Variants in RAB1B observed in about 807,000 individuals in gnomAD.
RAB1B encodes RAB1B, member RAS oncogene family.
Under a neutral mutation model 24.8 loss-of-function variants are expected in RAB1B, and 10 were observed. That is an observed-to-expected ratio of 0.40 (90% CI 0.25 to 0.68). RAB1B has a LOEUF of 0.68. Ranked by LOEUF, RAB1B falls within the 30% of genes least tolerant of loss-of-function variation. RAB1B has a pLI of 0.37. For synonymous variants in RAB1B, 99 were observed against 111.7 expected (o/e 0.89, Z 0.72); for missense variants, 154 against 271.2 (o/e 0.57, Z 3.04).
rs1324296786 is a variant in RAB1B, at chr11:66,273,760, A to G, written c.279+1300A>G. On this transcript the variant is annotated intron_variant, in intron 4 of 5. Coordinates refer to ENST00000311481, the MANE Select transcript of RAB1B (RefSeq NM_030981.3). Reference sequence around the variant, plus strand: ...TTCATGATCTTCTCTAGTAAACTAAATGGTGAGGTTTGTGTTTTCTAGATG... The same window carrying G: ...TTCATGATCTTCTCTAGTAAACTAAGTGGTGAGGTTTGTGTTTTCTAGATG... Among the ~76,000 whole-genome samples, 3 of 152,166 alleles carry G rather than the reference A, an allele frequency of 2.0e-5. No individual in the cohort carries two copies. The East Asian group carries it at 5.8e-4, about 29-fold the overall frequency.
At chr11:66,272,000 A>G in intron 2 of RAB1B, 131 bp downstream of exon 2, 2 of 939,858 alleles carry the variant, frequency 2.1e-6, no homozygotes, top group Non-Finnish European at 3.5e-6. Flanking sequence ...TGCCACCAGC[A>G]CATCTGCCCT....
At chr11:66,271,423 G>A (rs1166101244) in intron 1 of RAB1B, 1 of 164,624 alleles carries the variant, frequency 6.1e-6, no homozygotes, top group African/African-American at 2.4e-5. Flanking sequence ...GGCAGACAGA[G>A]GTTGCAGTGA....
rs749182231 is a variant in RAB1B at position 66,276,190 on chromosome 11, C to G, written c.558C>G (p.Leu186=). 5 of 1,606,348 alleles carry G rather than the reference C, an allele frequency of 3.1e-6. No homozygotes were observed. The South Asian group carries it at 4.5e-5, about 14-fold the overall frequency. ...CCTCTGGGGGCGAGCGGCCCAATCTCAAGATCGACAGCACCCCTGTAAAGC... is the reference window on the plus strand; with the variant it reads ...CCTCTGGGGGCGAGCGGCCCAATCTGAAGATCGACAGCACCCCTGTAAAGC... ...GAASGGERPN[L]KIDSTPVKPA... Residue 186 remains leucine, a synonymous_variant, in exon 6 of 6, where the codon CTC becomes CTG. Transcript: ENST00000311481.
At chr11:66,274,787 C>T (rs1857115896) in intron 4 of RAB1B, among the ~76,000 whole-genome samples, 1 of 147,818 alleles carries the variant, frequency 6.8e-6, no homozygotes, top group South Asian at 2.2e-4. Context: ...GTCCCCCCTC[C>T]CTGTTGAGTG....
intron 4 of RAB1B, among the ~76,000 whole-genome samples, chr11:66,274,978 C>T (rs1362657442): frequency 6.6e-6 from 1 of 152,058 alleles, no homozygotes; most frequent in Non-Finnish European, 1.5e-5. Flanking sequence ...TGGGGGCTCC[C>T]CAGCCCCTGC....
intron 4 of RAB1B, among the ~76,000 whole-genome samples, chr11:66,273,536 G>C (rs1857094842): frequency 6.6e-6 from 1 of 152,216 alleles, no homozygotes; most frequent in African/African-American, 2.4e-5. Flanking sequence ...GGTCTGTCCA[G>C]TGCTGCCTCC....
intron 1 of RAB1B, chr11:66,270,843 A>G (rs1290663664): frequency 2.0e-5 from 3 of 152,254 alleles, no homozygotes; most frequent in Non-Finnish European, 4.4e-5. Context: ...AATAGCTCCT[A>G]CTGGACCAAA....
In RAB1B at chr11:66,268,667, C is replaced by A; in HGVS notation, c.-13C>A. ...GTCGACTGGGAGCGACCGAGCGGGC[C>A]GCCGCCGCCGCCATGAACCCCGAAT... On this transcript the variant is annotated 5_prime_UTR_variant, in exon 1 of 6. Coordinates refer to ENST00000311481, the MANE Select transcript of RAB1B (RefSeq NM_030981.3). 2 of 1,553,080 alleles carry A rather than the reference C, an allele frequency of 1.3e-6. No homozygotes were observed. The highest frequency in any genetic ancestry group is 1.7e-6 in the Non-Finnish European group (2 of 1,150,942).
At chr11:66,275,999 C>T (rs1388398292) in intron 5 of RAB1B, 45 bp from the exon 6 acceptor site, 1 of 1,588,956 alleles carries the variant, frequency 6.3e-7, no homozygotes, top group Non-Finnish European at 8.6e-7. Context: ...CACCTGCTCT[C>T]CCCTCCTCTT....
Position 66,276,178 on chromosome 11 carries a change from G to A in RAB1B, c.546G>A (p.Glu182=), listed in dbSNP as rs1282759418. 3.1e-6 allele frequency: 5 copies of A among 1,608,134 alleles called. No homozygotes were observed. Among genetic ancestry groups the A allele is most frequent in the Middle Eastern group, 1.6e-4 (1 of 6,062 alleles). Residue 182 remains glutamate, a synonymous_variant, in exon 6 of 6, where the codon GAG becomes GAA. Transcript: ENST00000311481. ...RMGPGAASGG[E]RPNLKIDSTP... ...GGCCTGGAGCAGCCTCTGGGGGCGAGCGGCCCAATCTCAAGATCGACAGCA... is the reference window on the plus strand; with the variant it reads ...GGCCTGGAGCAGCCTCTGGGGGCGAACGGCCCAATCTCAAGATCGACAGCA...
At chr11:66,272,716 T>G in intron 4 of RAB1B, 1 of 308,012 alleles carries the variant, frequency 3.2e-6, no homozygotes, top group Non-Finnish European at 6.0e-6. Flanking sequence ...CCTCACACCT[T>G]CCCTCCCCAC....
chr11:66,272,310 G>A, intron 3 of RAB1B, 55 bp from the exon 4 acceptor site: 1 of 1,595,974 alleles, frequency 6.3e-7, no homozygotes, highest in South Asian at 1.1e-5. Flanking sequence ...GGGAGGGAAG[G>A]GACTCTGGGA....
Position 66,276,724 on chromosome 11 carries a change from G to A in RAB1B, c.*486G>A, listed in dbSNP as rs1857154128. The A allele has an allele frequency of 6.5e-6, 1 of 154,386 alleles. No individual in the cohort carries two copies. Among genetic ancestry groups the A allele is most frequent in the Non-Finnish European group, 1.4e-5 (1 of 69,344 alleles). The allele number at this position is 154,386 out of a possible 1,614,324, so 9.6% of individuals were successfully genotyped here. ...ATCCAGGGCCCTGGGCTGGACCTCA[G>A]GACAGGCATGGAGGCCACAGGGGCC... On this transcript the variant is annotated 3_prime_UTR_variant, in exon 6 of 6. Coordinates refer to ENST00000311481, the MANE Select transcript of RAB1B (RefSeq NM_030981.3).
At chr11:66,274,855 C>T (rs1035808780) in intron 4 of RAB1B, among the ~76,000 whole-genome samples, 2 of 151,578 alleles carry the variant, frequency 1.3e-5, no homozygotes, top group Admixed American at 6.6e-5. Flanking sequence ...ATGCCCCTCC[C>T]GTTCAGTGAC....
chr11:66,272,502 T>G (rs1045979905), intron 4 of RAB1B, 42 bp downstream of exon 4: 5 of 1,357,260 alleles, frequency 3.7e-6, no homozygotes, highest in Non-Finnish European at 5.1e-6. Flanking sequence ...CTCCTTAGCC[T>G]TAGGTCTTTG....
intron 1 of RAB1B, chr11:66,270,282 C>T (rs929049898): frequency 6.7e-6 from 1 of 149,964 alleles, no homozygotes; most frequent in African/African-American, 2.5e-5. Context: ...GTTGTTGTCT[C>T]CAAAGAGATG....
At position 66,272,219 on chromosome 11, in the gene RAB1B, C is replaced by T. The variant is rs1473504702; in HGVS notation, c.150C>T (p.Ile50=). The T allele has an allele frequency of 2.5e-6, 4 of 1,613,918 alleles. No homozygotes were observed. Among genetic ancestry groups the T allele is most frequent in the South Asian group, 2.2e-5 (2 of 91,072 alleles). ...TIGVDFKIRT[I]ELDGKTIKLQ... ...GGGTGGACTTCAAGATCCGAACCATCGAGCTGGATGGCAAAACTATCAAAC... is the reference window on the plus strand; with the variant it reads ...GGGTGGACTTCAAGATCCGAACCATTGAGCTGGATGGCAAAACTATCAAAC... Residue 50 remains isoleucine, a synonymous_variant, in exon 3 of 6, where the codon ATC becomes ATT. Coordinates refer to ENST00000311481, the MANE Select transcript of RAB1B (RefSeq NM_030981.3).
In RAB1B at chr11:66,272,434, A is replaced by G. The variant is rs769968764; in HGVS notation, c.253A>G (p.Ile85Val). 5.6e-6 allele frequency: 9 copies of G among 1,601,780 alleles called. No individual in the cohort carries two copies. Among genetic ancestry groups the G allele is most frequent in the Non-Finnish European group, 7.7e-6 (9 of 1,172,926 alleles). Reference sequence around the variant, plus strand: ...CTACTACCGGGGGGCTCATGGCATCATCGTGGTGTATGACGTCACTGACCA... The same window carrying G: ...CTACTACCGGGGGGCTCATGGCATCGTCGTGGTGTATGACGTCACTGACCA... ...SSYYRGAHGI[I>V]VVYDVTDQES... is the part of the protein sequence containing the mutation. Residue 85 changes from isoleucine to valine, a missense_variant, in exon 4 of 6, where the codon ATC becomes GTC. This residue lies in a region of RAB1B where 77 missense variants were observed against 173.4 expected (regional missense o/e 0.44). Coordinates refer to ENST00000311481, the MANE Select transcript of RAB1B (RefSeq NM_030981.3).
chr11:66,272,788 T>A (rs1411964734), intron 4 of RAB1B, among the ~76,000 whole-genome samples: 1 of 152,100 alleles, frequency 6.6e-6, no homozygotes, highest in Non-Finnish European at 1.5e-5. Context: ...GGGAGTTTAG[T>A]CAGGCGGTTG....
Sources: allele counts gnomAD v4.1 joint callset (sites outside exome capture counted in the v4.1 genomes callset), GRCh38; gene constraint gnomAD v4.1.1; regional missense constraint gnomAD v4.1.1; transcripts MANE v1.5; gene names NCBI Gene and HGNC (gene_info 2026-07-23, HGNC 2026-07-21).